The following PCNX2 variants were observed in gnomAD, a reference collection of about 807,000 sequenced individuals.
PCNX2 encodes the protein pecanex 2.
In PCNX2, 168 loss-of-function variants were observed where a neutral mutation model predicts 223.8. The observed-to-expected ratio is 0.75, with a 90% CI of 0.66 to 0.85. The LOEUF (loss-of-function observed/expected upper bound fraction) is 0.85. PCNX2 is among the 40% of genes least tolerant of loss of function. The probability of loss-of-function intolerance (pLI) is 0.00; values close to 1 mark genes in which losing one functional copy is unlikely to be tolerated. For missense variants in PCNX2, 2,507 were observed against 2,675.5 expected (o/e 0.94, Z 1.39); for synonymous variants, 1,006 against 1,052.6 (o/e 0.96, Z 0.86).
In PCNX2 at chr1:233,179,160, G is replaced by A; in HGVS notation, c.3082C>T (p.Gln1028Ter). 6.2e-7 allele frequency: 1 copy of A among 1,613,816 alleles called. No homozygotes were observed. The highest frequency in any genetic ancestry group is 8.5e-7 in the Non-Finnish European group (1 of 1,179,762). Residue 1028 changes from glutamine (Q) to a stop codon, truncating the protein, a stop_gained, in exon 16 of 34, where the codon CAA (glutamine) becomes TAA (stop). Coordinates refer to ENST00000258229, the MANE Select transcript of PCNX2 (RefSeq NM_014801.4). LOFTEE classifies it high-confidence loss of function. ...FSAVKEPWSM[Q>*]HIPALFSAFC... is the part of the protein sequence containing the mutation. Reference sequence around the variant, plus strand: ...GCCGAAAACAGTGCCGGGATGTGTTGCATGCTCCACGGTTCCTAAAGAAAA... The same window carrying A: ...GCCGAAAACAGTGCCGGGATGTGTTACATGCTCCACGGTTCCTAAAGAAAA...
intron 23 of PCNX2, among the ~76,000 whole-genome samples, chr1:233,058,823 C>T (rs185679793): frequency 2.0e-5 from 3 of 152,032 alleles, no homozygotes; most frequent in Non-Finnish European, 2.9e-5. Context: ...GCGCCACATG[C>T]CCAGCTAATT....
At chr1:233,220,483 G>A (rs1030098346) in intron 10 of PCNX2, among the ~76,000 whole-genome samples, 13 of 152,096 alleles carry the variant, frequency 8.5e-5, no homozygotes, top group African/African-American at 2.7e-4. Flanking sequence ...CCATTCTAAC[G>A]GGTGTGTAGT....
intron 21 of PCNX2, among the ~76,000 whole-genome samples, chr1:233,128,491 C>T (rs997143905): frequency 2.0e-5 from 3 of 151,996 alleles, no homozygotes; most frequent in African/African-American, 4.8e-5. Flanking sequence ...TGTGGCACCA[C>T]GCCCAACTAA....
At chr1:233,199,645 T>A (rs58313315) in intron 14 of PCNX2, among the ~76,000 whole-genome samples, 10,677 of 152,156 alleles carry the variant, frequency 0.07, 845 homozygotes, top group African/African-American at 0.2. Context: ...TTGGTCTGAA[T>A]CTAAAGTATG....
intron 21 of PCNX2, among the ~76,000 whole-genome samples, chr1:233,128,824 GA>G (rs1302896757): frequency 6.6e-6 from 1 of 152,244 alleles, no homozygotes; most frequent in African/African-American, 2.4e-5. Context: ...AAGAATGACT[GA>G]AGAAGCAAGA....
At chr1:233,293,366 C>T (rs928624232) in intron 1 of PCNX2, among the ~76,000 whole-genome samples, 2 of 152,180 alleles carry the variant, frequency 1.3e-5, no homozygotes, top group Non-Finnish European at 2.9e-5. Flanking sequence ...TATATGAGAT[C>T]AGTGTTACCA....
intron 26 of PCNX2, among the ~76,000 whole-genome samples, chr1:233,024,629 C>A (rs1452244487): frequency 6.6e-6 from 1 of 152,178 alleles, no homozygotes; most frequent in Non-Finnish European, 1.5e-5. Flanking sequence ...CAGATGTAGG[C>A]ACTGAGCAAC....
chr1:233,037,556 G>A (rs1342992187), intron 25 of PCNX2, among the ~76,000 whole-genome samples: 2 of 150,432 alleles, frequency 1.3e-5, no homozygotes, highest in Non-Finnish European at 3.0e-5. Flanking sequence ...ATGTTGCCCA[G>A]GCTGGTCTTG....
chr1:233,113,509 A>C (rs191372058), intron 21 of PCNX2, among the ~76,000 whole-genome samples: 1 of 152,222 alleles, frequency 6.6e-6, no homozygotes, highest in African/African-American at 2.4e-5. Context: ...TCAAAAAAAC[A>C]GTTTTCCATC....
In PCNX2 at chr1:233,000,016, T is replaced by TCCTGAC. The variant is rs1473956562; in HGVS notation, c.5328+283_5328+288dup. On this transcript the variant is annotated intron_variant, in intron 30 of 33. Coordinates refer to ENST00000258229, the MANE Select transcript of PCNX2 (RefSeq NM_014801.4). The surrounding 1 kb of genome is among the most constrained non-coding windows in gnomAD (Gnocchi z 4.6). ...AAAAAGTCTTTACAAATAAGCTATA[T>TCCTGAC]CCTGACTCTCACTTACATGTGTGTC... Among the ~76,000 whole-genome samples, 2 of 152,222 alleles carry TCCTGAC rather than the reference T, an allele frequency of 1.3e-5. No homozygotes were observed. Among genetic ancestry groups the TCCTGAC allele is most frequent in the Non-Finnish European group, 2.9e-5 (2 of 68,028 alleles).
chr1:233,056,721 T>C (rs894253056), intron 24 of PCNX2, among the ~76,000 whole-genome samples: 1 of 152,116 alleles, frequency 6.6e-6, no homozygotes, highest in African/African-American at 2.4e-5. Flanking sequence ...TGCATTCTAA[T>C]ATGAGGAAAG....
At chr1:233,167,046 C>T (rs1678840163) in intron 17 of PCNX2, among the ~76,000 whole-genome samples, 1 of 152,042 alleles carries the variant, frequency 6.6e-6, no homozygotes, top group Non-Finnish European at 1.5e-5. Flanking sequence ...TAGGCATATA[C>T]CCAAAGGAAA....
At chr1:233,035,843 C>G (rs1213921528) in intron 25 of PCNX2, among the ~76,000 whole-genome samples, 1 of 152,164 alleles carries the variant, frequency 6.6e-6, no homozygotes. Context: ...GCTGGGAACA[C>G]AAGATGTGTG....
At chr1:233,155,441 G>C (rs1482480361) in intron 19 of PCNX2, among the ~76,000 whole-genome samples, 1 of 152,186 alleles carries the variant, frequency 6.6e-6, no homozygotes, top group African/African-American at 2.4e-5. Flanking sequence ...TTGGCATCTT[G>C]TAGGAACTCA....
chr1:233,146,776 G>A (rs1299076112), intron 19 of PCNX2, among the ~76,000 whole-genome samples: 3 of 152,126 alleles, frequency 2.0e-5, no homozygotes, highest in South Asian at 2.1e-4. Flanking sequence ...AGAATAGCCC[G>A]GGCACCATTT....
intron 26 of PCNX2, among the ~76,000 whole-genome samples, chr1:233,021,431 G>C: frequency 6.6e-6 from 1 of 152,124 alleles, no homozygotes; most frequent in Admixed American, 6.5e-5. Flanking sequence ...GGAGGTGGAG[G>C]TTGCAGTGAG....
In PCNX2 at chr1:233,262,119, T is replaced by G. The variant is rs762532313; in HGVS notation, c.406A>C (p.Asn136His). 6.2e-7 allele frequency: 1 copy of G among 1,613,846 alleles called. No individual in the cohort carries two copies. Among genetic ancestry groups the G allele is most frequent in the Non-Finnish European group, 8.5e-7 (1 of 1,179,780 alleles). Residue 136 changes from asparagine (N) to histidine (H), a missense_variant, in exon 3 of 34, where the codon AAC becomes CAC. Transcript: ENST00000258229. ...CAGCGGAGGGGAGGCGTGGAGAGGT[T>G]TCGACTGGCCTCTTCCTTTTTGCCA... ...HNGKKEEASR[N>H]LSTPPLRCSS...
intron 32 of PCNX2, among the ~76,000 whole-genome samples, chr1:232,994,860 C>T (rs1039715118): frequency 6.6e-6 from 1 of 152,162 alleles, no homozygotes; most frequent in Non-Finnish European, 1.5e-5. Flanking sequence ...CCTTCACGTT[C>T]CACCATAATT....
At chr1:233,075,108 T>C (rs964065896) in intron 23 of PCNX2, among the ~76,000 whole-genome samples, 4 of 152,222 alleles carry the variant, frequency 2.6e-5, no homozygotes, top group Non-Finnish European at 4.4e-5. Context: ...TGAAGATTTA[T>C]GTTCACATAA....
Sources: gnomAD v4.1 joint callset for allele counts (sites outside exome capture counted in the v4.1 genomes callset) on GRCh38, gnomAD v4.1.1 for gene constraint, Gnocchi (gnomAD v3.1) non-coding constraint, MANE v1.5 for transcripts, NCBI Gene and HGNC (gene_info 2026-07-23, HGNC 2026-07-21) for gene names.